Variants in IPO11 observed in about 807,000 individuals in gnomAD.
IPO11 encodes the protein importin 11, also known as importin-11.
In IPO11, 66 loss-of-function variants were observed where a neutral mutation model predicts 143.2. The observed-to-expected ratio is 0.46, with a 90% CI of 0.38 to 0.57. IPO11 has a LOEUF of 0.57. Ranked by LOEUF, IPO11 falls within the 20% of genes least tolerant of loss-of-function variation. The pLI, the probability that IPO11 is intolerant of heterozygous loss-of-function variation, is 0.00. For missense variants in IPO11, 1,026 were observed against 1,141.0 expected (o/e 0.90, Z 1.45); for synonymous variants, 385 against 377.8 (o/e 1.02, Z -0.22).
chr5:62,553,293 TC>T (rs1417567488), intron 26 of IPO11, among the ~76,000 whole-genome samples: 4 of 151,926 alleles, frequency 2.6e-5, no homozygotes. Flanking sequence ...AGGAATTCAT[TC>T]TTTTTTGAGG....
intron 24 of IPO11, among the ~76,000 whole-genome samples, chr5:62,542,236 G>A (rs1378044705): frequency 6.6e-6 from 1 of 152,002 alleles, no homozygotes; most frequent in African/African-American, 2.4e-5. Flanking sequence ...GAATATTGCT[G>A]TAGCTAAATC....
At chr5:62,587,044 A>G (rs1332623757) in intron 27 of IPO11, among the ~76,000 whole-genome samples, 2 of 150,726 alleles carry the variant, frequency 1.3e-5, no homozygotes, top group Admixed American at 6.6e-5. Context: ...GAAGCTTAGT[A>G]TGTCTTCATT....
At chr5:62,471,149 T>A (rs1415357626) in intron 7 of IPO11, among the ~76,000 whole-genome samples, 36 of 149,242 alleles carry the variant, frequency 2.4e-4, no homozygotes, top group East Asian at 7.8e-4. Context: ...TTTTTTTTTT[T>A]AAAATAAATG....
At chr5:62,535,455 C>T (rs1249197035) in intron 22 of IPO11, among the ~76,000 whole-genome samples, 1 of 152,038 alleles carries the variant, frequency 6.6e-6, no homozygotes, top group African/African-American at 2.4e-5. Context: ...GTGAATTTTT[C>T]ATAATGATAG....
At chr5:62,457,121 C>A (rs1373479042) in intron 5 of IPO11, among the ~76,000 whole-genome samples, 1 of 152,054 alleles carries the variant, frequency 6.6e-6, no homozygotes, top group Non-Finnish European at 1.5e-5. Flanking sequence ...GAAAACAAAA[C>A]TATATTGCAT....
At chr5:62,436,064 T>A (rs750028521) in intron 1 of IPO11, among the ~76,000 whole-genome samples, 10 of 152,270 alleles carry the variant, frequency 6.6e-5, no homozygotes, top group Non-Finnish European at 1.3e-4. Context: ...TCCAACTCTA[T>A]CAGTAACTTG....
chr5:62,579,626 T>C, intron 27 of IPO11: 1 of 1,550,506 alleles, frequency 6.4e-7, no homozygotes, highest in East Asian at 2.4e-5. Flanking sequence ...GAAAGTACAG[T>C]TTTTCTGTAT....
intron 27 of IPO11, among the ~76,000 whole-genome samples, chr5:62,572,612 A>T (rs1169177938): frequency 6.6e-6 from 1 of 151,100 alleles, no homozygotes; most frequent in Non-Finnish European, 1.5e-5. Flanking sequence ...GCAGGGTCTT[A>T]CTCTGGTTGC....
intron 5 of IPO11, among the ~76,000 whole-genome samples, chr5:62,455,486 A>G (rs1008081334): frequency 6.6e-6 from 1 of 152,164 alleles, no homozygotes; most frequent in Non-Finnish European, 1.5e-5. Context: ...TTGCGCCACT[A>G]TACTCCAGCC....
chr5:62,420,925 A>T (rs1484353424), intron 1 of IPO11, among the ~76,000 whole-genome samples: 1 of 152,198 alleles, frequency 6.6e-6, no homozygotes, highest in African/African-American at 2.4e-5. Context: ...TACACAAAAT[A>T]TATACTCAAT....
chr5:62,619,650 A>G (rs1746273244), intron 29 of IPO11, among the ~76,000 whole-genome samples: 1 of 151,572 alleles, frequency 6.6e-6, no homozygotes, highest in Non-Finnish European at 1.5e-5. Context: ...TCAGGAGCTC[A>G]AGACCATCCT....
chr5:62,606,480 T>TAAAAAAAAAAAA (rs760722973), intron 29 of IPO11, among the ~76,000 whole-genome samples: 2 of 56,106 alleles, frequency 3.6e-5, no homozygotes, highest in African/African-American at 1.6e-4. Context: ...GACCCTGTCT[T>TAAAAAAAAAAAA]AAAAAAAAAA....
At chr5:62,538,313 A>G (rs1208539194) in intron 24 of IPO11, among the ~76,000 whole-genome samples, 1 of 152,198 alleles carries the variant, frequency 6.6e-6, no homozygotes, top group Non-Finnish European at 1.5e-5. Flanking sequence ...TGCACAGATA[A>G]TGAAGTCTTA....
At chr5:62,462,918 GT>G (rs1214414138) in intron 5 of IPO11, among the ~76,000 whole-genome samples, 1 of 151,378 alleles carries the variant, frequency 6.6e-6, no homozygotes, top group African/African-American at 2.4e-5. Context: ...GCATGTAGTG[GT>G]AGTGGGGGGT....
At chr5:62,519,281 G>A (rs1268423286) in intron 20 of IPO11, among the ~76,000 whole-genome samples, 1 of 152,122 alleles carries the variant, frequency 6.6e-6, no homozygotes, top group Non-Finnish European at 1.5e-5. Context: ...AATGTTGACA[G>A]ATAAAGGAGT....
At chr5:62,562,534 A>C (rs941532110) in intron 27 of IPO11, among the ~76,000 whole-genome samples, 3 of 152,218 alleles carry the variant, frequency 2.0e-5, no homozygotes, top group African/African-American at 7.2e-5. Context: ...ATGAGAATCT[A>C]ATGCCACCAC....
At chr5:62,612,586 A>G (rs1745963556) in intron 29 of IPO11, among the ~76,000 whole-genome samples, 1 of 152,218 alleles carries the variant, frequency 6.6e-6, no homozygotes, top group East Asian at 1.9e-4. Context: ...TTCTCACTAA[A>G]GAGATATTTT....
At chr5:62,429,276 T>C (rs1330210199) in intron 1 of IPO11, among the ~76,000 whole-genome samples, 1 of 152,234 alleles carries the variant, frequency 6.6e-6, no homozygotes, top group East Asian at 1.9e-4. Flanking sequence ...CTTGTGGTTT[T>C]ATGTGACTGG....
intron 29 of IPO11, among the ~76,000 whole-genome samples, chr5:62,607,187 A>C (rs1228678115): frequency 1.3e-5 from 2 of 152,290 alleles, no homozygotes; most frequent in East Asian, 3.9e-4. Context: ...CAACTCTGAA[A>C]ACTTTCATTT....
Sources: allele counts gnomAD v4.1 joint callset (sites outside exome capture counted in the v4.1 genomes callset), GRCh38; gene constraint gnomAD v4.1.1; transcripts MANE v1.5; gene names NCBI Gene and HGNC (gene_info 2026-07-23, HGNC 2026-07-21).